The following DLG2 variants were observed in gnomAD, a reference collection of about 807,000 sequenced individuals.
DLG2 encodes disks large homolog 2.
A neutral mutation model predicts 132.5 loss-of-function variants in DLG2; 45 were observed. The observed-to-expected ratio is 0.34, with a 90% CI of 0.27 to 0.44. The LOEUF (loss-of-function observed/expected upper bound fraction) is 0.44. Among genes scored for constraint, DLG2 ranks in the 20% least tolerant of loss-of-function variants. DLG2 has a pLI of 1.00. For synonymous variants in DLG2, 424 were observed against 419.6 expected (o/e 1.01, Z -0.13); for missense variants, 1,045 against 1,196.9 (o/e 0.87, Z 1.87).
At chr11:85,305,137 T>C (rs559832914) in intron 3 of DLG2, among the ~76,000 whole-genome samples, 5 of 152,308 alleles carry the variant, frequency 3.3e-5, no homozygotes, top group East Asian at 1.9e-4. Flanking sequence ...TTTGAGAAGC[T>C]TACAATCTAA....
At position 84,182,678 on chromosome 11, in the gene DLG2, T is replaced by C. The variant is rs548519275; in HGVS notation, c.574-19167A>G. On this transcript the variant is annotated intron_variant, in intron 8 of 27. Transcript: ENST00000376104. ...AACATCTAAAATCAATAATCTAAGC[T>C]TCTACTTTAGAAAACTAGAAAAGGA... 1.9e-4 allele frequency among the ~76,000 whole-genome samples: 29 copies of C among 152,266 alleles called. No homozygotes were observed. The South Asian group carries it at 5.6e-3, about 29-fold the overall frequency.
chr11:83,986,133 T>C (rs1440466627), intron 11 of DLG2, among the ~76,000 whole-genome samples: 1 of 151,954 alleles, frequency 6.6e-6, no homozygotes, highest in African/African-American at 2.4e-5. Context: ...TATGTATACA[T>C]GTGCCATGTT....
In DLG2 at chr11:83,637,349, G is replaced by A. The variant is rs531958209; in HGVS notation, c.1826-4024C>T. ...GAACATTTGAATGAAATTTTCAAAT[G>A]CTTCAATTTTTATATCATCCAATGT... On this transcript the variant is annotated intron_variant, in intron 18 of 27. Coordinates refer to ENST00000376104, the MANE Select transcript of DLG2 (RefSeq NM_001142699.3). 1.8e-4 allele frequency among the ~76,000 whole-genome samples: 28 copies of A among 152,252 alleles called. 1 individual carries two copies. In the South Asian group the frequency reaches 5.6e-3, roughly 30 times the overall value.
At chr11:83,887,623 A>G (rs1235779755) in intron 15 of DLG2, among the ~76,000 whole-genome samples, 2 of 152,036 alleles carry the variant, frequency 1.3e-5, no homozygotes, top group East Asian at 3.9e-4. Context: ...TCCTGATACC[A>G]AAGCCAGGCA....
At chr11:85,088,805 C>G (rs2068324983) in intron 6 of DLG2, among the ~76,000 whole-genome samples, 1 of 152,172 alleles carries the variant, frequency 6.6e-6, no homozygotes, top group South Asian at 2.1e-4. Flanking sequence ...TAGAACCACA[C>G]AGTCAAAACT....
intron 6 of DLG2, among the ~76,000 whole-genome samples, chr11:84,856,286 A>G (rs779820627): frequency 9.9e-5 from 15 of 152,112 alleles, no homozygotes; most frequent in Non-Finnish European, 1.8e-4. Context: ...GAGGGCTGCA[A>G]AAAGTCATGG....
At chr11:85,069,427 A>C (rs2065450276) in intron 6 of DLG2, among the ~76,000 whole-genome samples, 1 of 152,188 alleles carries the variant, frequency 6.6e-6, no homozygotes, top group Non-Finnish European at 1.5e-5. Flanking sequence ...AATATCCAGA[A>C]TCTACCAAGA....
At chr11:84,046,257 T>C (rs1285206484) in intron 11 of DLG2, among the ~76,000 whole-genome samples, 1 of 151,580 alleles carries the variant, frequency 6.6e-6, no homozygotes, top group Non-Finnish European at 1.5e-5. Context: ...GCAAAAGTAA[T>C]TGTGTGCTTT....
chr11:85,171,977 G>C (rs1485311108), intron 4 of DLG2, among the ~76,000 whole-genome samples: 3 of 152,224 alleles, frequency 2.0e-5, no homozygotes, highest in Non-Finnish European at 4.4e-5. Context: ...GAAGCCCCAG[G>C]GGGAAGTGGC....
chr11:84,305,811 G>C (rs1482917586), intron 7 of DLG2, among the ~76,000 whole-genome samples: 1 of 152,018 alleles, frequency 6.6e-6, no homozygotes, highest in Non-Finnish European at 1.5e-5. Flanking sequence ...CACAATATCA[G>C]AATAATATTG....
chr11:85,443,222 A>G (rs531908122), intron 3 of DLG2, among the ~76,000 whole-genome samples: 60 of 152,334 alleles, frequency 3.9e-4, no homozygotes, highest in Non-Finnish European at 6.6e-4. Flanking sequence ...TAAGATGTCA[A>G]TCTCCTCCAT....
intron 3 of DLG2, among the ~76,000 whole-genome samples, chr11:85,405,290 C>T (rs767001412): frequency 4.6e-5 from 7 of 151,898 alleles, no homozygotes; most frequent in Non-Finnish European, 1.0e-4. Context: ...AAGATATAGT[C>T]TCTAAGGAAT....
In DLG2 at chr11:84,638,658, TA is replaced by T. The variant is rs2099644863; in HGVS notation, c.358-103928del. On this transcript the variant is annotated intron_variant, in intron 6 of 27. Coordinates refer to ENST00000376104, the MANE Select transcript of DLG2 (RefSeq NM_001142699.3). ...ACTTTTTGTTTCATTATAAATTTAA[TA>T]ATAGAACCATAGTATGAAGTAGAAG... Among the ~76,000 whole-genome samples, 4 of 152,198 alleles carry T rather than the reference TA, an allele frequency of 2.6e-5. No homozygotes were observed. The South Asian group carries it at 8.3e-4, about 32-fold the overall frequency.
chr11:84,506,384 TA>T (rs1302904998), intron 7 of DLG2, among the ~76,000 whole-genome samples: 3 of 149,112 alleles, frequency 2.0e-5, no homozygotes, highest in Non-Finnish European at 4.5e-5. Flanking sequence ...CCTCAGTTCT[TA>T]AAAGAGTCAG....
chr11:85,428,825 C>A (rs921368268), intron 3 of DLG2, among the ~76,000 whole-genome samples: 1 of 151,964 alleles, frequency 6.6e-6, no homozygotes, highest in African/African-American at 2.4e-5. Context: ...TTCAAAAAAT[C>A]AATGAATCCA....
intron 6 of DLG2, among the ~76,000 whole-genome samples, chr11:84,735,373 T>A (rs962338158): frequency 6.6e-6 from 1 of 152,226 alleles, no homozygotes; most frequent in African/African-American, 2.4e-5. Context: ...TGGGAGGATA[T>A]ATGTGTCAAG....
intron 3 of DLG2, among the ~76,000 whole-genome samples, chr11:85,387,061 T>C (rs2086402676): frequency 6.6e-6 from 1 of 151,638 alleles, no homozygotes; most frequent in Non-Finnish European, 1.5e-5. Context: ...ATAATTTTTG[T>C]ATTTTTAGTA....
intron 8 of DLG2, among the ~76,000 whole-genome samples, chr11:84,238,201 A>C (rs939234204): frequency 6.6e-6 from 1 of 152,002 alleles, no homozygotes; most frequent in Non-Finnish European, 1.5e-5. Context: ...AAAAAATATC[A>C]GTGTCAAAAA....
rs562503821 is a variant in DLG2 at position 84,011,677 on chromosome 11, G to C, written c.920-31035C>G. 6.3e-4 allele frequency among the ~76,000 whole-genome samples: 95 copies of C among 151,964 alleles called. 2 individuals carry two copies. Among genetic ancestry groups the C allele is most frequent in the Middle Eastern group, 3.4e-3 (1 of 292 alleles). ...AATAATCTGGATCTACATTTCTGAGGGTAAGGAAAAAGCTTAGTCCTTCAG... is the reference window on the plus strand; with the variant it reads ...AATAATCTGGATCTACATTTCTGAGCGTAAGGAAAAAGCTTAGTCCTTCAG... On this transcript the variant is annotated intron_variant, in intron 11 of 27. Transcript: ENST00000376104.
Sources: gnomAD v4.1 joint callset for allele counts (sites outside exome capture counted in the v4.1 genomes callset) on GRCh38, gnomAD v4.1.1 for gene constraint, MANE v1.5 for transcripts, NCBI Gene and HGNC (gene_info 2026-07-23, HGNC 2026-07-21) for gene names.